Variants in C10orf90 observed in about 807,000 individuals in gnomAD.
C10orf90 encodes the protein (E2-independent) E3 ubiquitin-conjugating enzyme FATS.
Under a neutral mutation model 62.5 loss-of-function variants are expected in C10orf90, and 56 were observed. That is an observed-to-expected ratio of 0.90 (90% CI 0.72 to 1.12). C10orf90 has a LOEUF of 1.12. Ranked by LOEUF, C10orf90 falls within the 50% of genes most tolerant of loss-of-function variation. The probability of loss-of-function intolerance (pLI) is 0.00; values close to 1 mark genes in which losing one functional copy is unlikely to be tolerated. For synonymous variants in C10orf90, 386 were observed against 340.4 expected, an observed-to-expected ratio of 1.13 and a Z score of -1.47; for missense variants, 970 against 880.4, an observed-to-expected ratio of 1.10 and a Z score of -1.29.
At chr10:126,479,296 A>C (rs1283420540) in intron 4 of C10orf90, among the ~76,000 whole-genome samples, 1 of 152,180 alleles carries the variant, frequency 6.6e-6, no homozygotes, top group Non-Finnish European at 1.5e-5. Flanking sequence ...AATGAATTAC[A>C]ATTGCACAAA....
intron 1 of C10orf90, among the ~76,000 whole-genome samples, 184 bp from the exon 2 acceptor site, chr10:126,646,821 C>T (rs1425089503): frequency 6.6e-6 from 1 of 151,848 alleles, no homozygotes; most frequent in Non-Finnish European, 1.5e-5. Context: ...CTATCAATGA[C>T]TAAAAGGAAG....
chr10:126,589,404 T>A (rs1247471091), intron 2 of C10orf90, among the ~76,000 whole-genome samples: 1 of 152,066 alleles, frequency 6.6e-6, no homozygotes, highest in Non-Finnish European at 1.5e-5. Flanking sequence ...GACACGATCA[T>A]CAGATTCTCC....
At chr10:126,547,605 A>G (rs571082457) in intron 2 of C10orf90, among the ~76,000 whole-genome samples, 3 of 152,038 alleles carry the variant, frequency 2.0e-5, no homozygotes, top group Non-Finnish European at 2.9e-5. Flanking sequence ...TCGACAAGCA[A>G]TTATAAGCTC....
At chr10:126,558,160 A>G (rs1864820883) in intron 2 of C10orf90, among the ~76,000 whole-genome samples, 1 of 151,766 alleles carries the variant, frequency 6.6e-6, no homozygotes, top group African/African-American at 2.4e-5. Context: ...ATTCATCCCA[A>G]CTGCTAATAT....
intron 2 of C10orf90, among the ~76,000 whole-genome samples, chr10:126,571,468 C>A (rs868841049): frequency 6.6e-6 from 1 of 152,232 alleles, no homozygotes; most frequent in Non-Finnish European, 1.5e-5. Context: ...GGCTGATTAC[C>A]TGTTGCTCTG....
intron 2 of C10orf90, among the ~76,000 whole-genome samples, chr10:126,615,801 G>A (rs906221895): frequency 6.6e-6 from 1 of 152,168 alleles, no homozygotes; most frequent in East Asian, 1.9e-4. Context: ...GAGAGACACA[G>A]AAAAGTCCAA....
At chr10:126,568,854 T>C (rs1366838787) in intron 2 of C10orf90, among the ~76,000 whole-genome samples, 2 of 151,576 alleles carry the variant, frequency 1.3e-5, no homozygotes, top group African/African-American at 4.9e-5. Context: ...GGCTGAAGAG[T>C]GAAGACAAGG....
chr10:126,457,128 A>G (rs1859637140), intron 7 of C10orf90, among the ~76,000 whole-genome samples: 1 of 152,108 alleles, frequency 6.6e-6, no homozygotes. Flanking sequence ...AGCTGAGACT[A>G]CAGGCATGCA....
Position 126,504,355 on chromosome 10 carries a change from C to T in C10orf90, c.1136G>A (p.Ser379Asn). ...CAGGACGGATCTGTGCATTTTGGGG[C>T]TGGCAATTTGAGGTGGCTCAATGGG... ...SVPIEPPQIA[S>N]PKMHRSVLSL... is the part of the protein sequence containing the mutation. Residue 379 changes from serine (S) to asparagine (N), a missense_variant, in exon 4 of 10, where the codon AGC (serine) becomes AAC (asparagine). Transcript: ENST00000488181. This position sits in a 1 kb window ranked among gnomAD's most constrained non-coding sequence, Gnocchi z 4.1. 1 of 1,614,170 alleles carries T rather than the reference C, an allele frequency of 6.2e-7. No individual in the cohort carries two copies. The highest frequency in any genetic ancestry group is 8.5e-7 in the Non-Finnish European group (1 of 1,180,046).
At chr10:126,557,162 G>A (rs1263737931) in intron 2 of C10orf90, among the ~76,000 whole-genome samples, 1 of 152,022 alleles carries the variant, frequency 6.6e-6, no homozygotes, top group East Asian at 1.9e-4. Flanking sequence ...TGAATAACAG[G>A]TTGCCCATAC....
At chr10:126,668,918 T>G (rs900186786) in intron 1 of C10orf90, among the ~76,000 whole-genome samples, 3 of 152,242 alleles carry the variant, frequency 2.0e-5, no homozygotes, top group African/African-American at 4.8e-5. Context: ...TCAGTGTGGC[T>G]ATAGGAATCA....
intron 2 of C10orf90, among the ~76,000 whole-genome samples, chr10:126,531,329 AC>A (rs1227825400): frequency 2.6e-5 from 4 of 152,170 alleles, no homozygotes; most frequent in African/African-American, 9.7e-5. Flanking sequence ...GGAGAATGCA[AC>A]TGGCATTGGT....
chr10:126,588,743 AT>A (rs1250538302), intron 2 of C10orf90, among the ~76,000 whole-genome samples: 3 of 152,212 alleles, frequency 2.0e-5, no homozygotes, highest in Admixed American at 6.5e-5. Context: ...GCCCACAAAG[AT>A]GAGAGAGAAT....
chr10:126,556,376 G>T (rs932733244), intron 2 of C10orf90, among the ~76,000 whole-genome samples: 1 of 152,178 alleles, frequency 6.6e-6, no homozygotes, highest in African/African-American at 2.4e-5. Flanking sequence ...AACACGGGCA[G>T]TTTCTCCCTG....
intron 2 of C10orf90, among the ~76,000 whole-genome samples, chr10:126,644,420 G>C (rs1423733533): frequency 6.6e-6 from 1 of 152,222 alleles, no homozygotes; most frequent in African/African-American, 2.4e-5. Flanking sequence ...GGGTGCCTTG[G>C]AGAATCAGCC....
intron 2 of C10orf90, among the ~76,000 whole-genome samples, chr10:126,594,227 A>G (rs1591128452): frequency 6.6e-6 from 1 of 151,982 alleles, no homozygotes; most frequent in South Asian, 2.1e-4. Flanking sequence ...CGGTATGGCT[A>G]GAAAGATCTC....
At chr10:126,650,675 C>A (rs911478180) in intron 1 of C10orf90, among the ~76,000 whole-genome samples, 2 of 152,182 alleles carry the variant, frequency 1.3e-5, no homozygotes, top group Admixed American at 6.5e-5. Context: ...GAGTGGGATG[C>A]CCCAGCTGGC....
At chr10:126,599,322 A>T (rs1275514464) in intron 2 of C10orf90, among the ~76,000 whole-genome samples, 3 of 151,280 alleles carry the variant, frequency 2.0e-5, no homozygotes, top group African/African-American at 7.3e-5. Context: ...AGTAGCTGGG[A>T]CTACAGGCGC....
chr10:126,637,599 G>A (rs576718443), intron 2 of C10orf90, among the ~76,000 whole-genome samples: 3 of 152,232 alleles, frequency 2.0e-5, no homozygotes, highest in Non-Finnish European at 4.4e-5. Flanking sequence ...CATCGGGCTG[G>A]CTTCCAGAGG....
Sources: gnomAD v4.1 joint callset for allele counts (sites outside exome capture counted in the v4.1 genomes callset) on GRCh38, gnomAD v4.1.1 for gene constraint, Gnocchi (gnomAD v3.1) non-coding constraint, MANE v1.5 for transcripts, NCBI Gene and HGNC (gene_info 2026-07-23, HGNC 2026-07-21) for gene names.